The following SEL1L3 variants were observed in gnomAD, a reference collection of about 807,000 sequenced individuals.
SEL1L3 encodes the protein SEL1L family member 3, also known as protein sel-1 homolog 3.
In SEL1L3, 76 loss-of-function variants were observed where a neutral mutation model predicts 142.8. The observed-to-expected ratio is 0.53, with a 90% CI of 0.44 to 0.64. The LOEUF (loss-of-function observed/expected upper bound fraction) is 0.64, where lower values mean the gene tolerates loss of function less well. Ranked by LOEUF, SEL1L3 falls within the 30% of genes least tolerant of loss-of-function variation. The pLI, the probability that SEL1L3 is intolerant of heterozygous loss-of-function variation, is 0.00. For missense variants in SEL1L3, 1,262 were observed against 1,381.7 expected (o/e 0.91, Z 1.37); for synonymous variants, 504 against 519.6 (o/e 0.97, Z 0.41).
At chr4:25,792,917 T>C (rs769616604) in intron 11 of SEL1L3, among the ~76,000 whole-genome samples, 57 of 152,240 alleles carry the variant, frequency 3.7e-4, no homozygotes, top group Non-Finnish European at 1.9e-4. Context: ...AATAAAGACA[T>C]AACTCATGAA....
At chr4:25,783,700 G>A (rs939795638) in intron 14 of SEL1L3, among the ~76,000 whole-genome samples, 1 of 152,218 alleles carries the variant, frequency 6.6e-6, no homozygotes, top group Admixed American at 6.5e-5. Context: ...CTGTAGAGCT[G>A]TATAGGAACT....
At chr4:25,752,687 C>A (rs1416405778) in intron 23 of SEL1L3, among the ~76,000 whole-genome samples, 2 of 152,196 alleles carry the variant, frequency 1.3e-5, no homozygotes, top group African/African-American at 4.8e-5. Flanking sequence ...ATGGAGCAAT[C>A]TGGGCTCTCT....
At chr4:25,778,445 A>T (rs1393600947) in intron 16 of SEL1L3, among the ~76,000 whole-genome samples, 1 of 152,236 alleles carries the variant, frequency 6.6e-6, no homozygotes, top group Non-Finnish European at 1.5e-5. Flanking sequence ...TTAGCAAATA[A>T]ACAATAAAAA....
At chr4:25,772,810 T>G (rs568405059) in intron 17 of SEL1L3, among the ~76,000 whole-genome samples, 1 of 152,262 alleles carries the variant, frequency 6.6e-6, no homozygotes, top group African/African-American at 2.4e-5. Context: ...TTTATTTATT[T>G]TTTTTGAAAG....
intron 11 of SEL1L3, among the ~76,000 whole-genome samples, chr4:25,798,791 G>A (rs752019892): frequency 6.6e-6 from 1 of 152,094 alleles, no homozygotes; most frequent in Non-Finnish European, 1.5e-5. Context: ...TCGTGCCACT[G>A]CACTCCAGCC....
Position 25,776,539 on chromosome 4 carries a change from T to C in SEL1L3, c.2586-179A>G, listed in dbSNP as rs1183024522. 4 of 566,188 alleles carry C rather than the reference T, an allele frequency of 7.1e-6. No individual in the cohort carries two copies. The East Asian group carries it at 1.2e-4, about 17-fold the overall frequency. 35.1% of individuals were successfully genotyped at this position (566,188 alleles called of 1,614,324 possible). A position where few individuals can be genotyped will look rare whatever the true frequency, so the allele number is the denominator to read the frequency against. On this transcript the variant is annotated intron_variant, in intron 16 of 23. Transcript: ENST00000399878. ...AAAATGCATTCTGAGAGCTTTTCAT[T>C]TAGTGCCCTTTCTTATGAATGATTA...
chr4:25,784,139 A>G (rs1220215335), intron 14 of SEL1L3, 89 bp downstream of exon 14: 20 of 1,112,760 alleles, frequency 1.8e-5, no homozygotes, highest in Non-Finnish European at 2.7e-5. Context: ...CTTTGTAGGA[A>G]GAGGCTGGCC....
At chr4:25,826,278 T>C (rs1475075212) in intron 6 of SEL1L3, among the ~76,000 whole-genome samples, 1 of 152,236 alleles carries the variant, frequency 6.6e-6, no homozygotes, top group Non-Finnish European at 1.5e-5. Context: ...ATTGACAGCC[T>C]TTCATTTATG....
At chr4:25,766,157 G>A (rs889366939) in intron 19 of SEL1L3, among the ~76,000 whole-genome samples, 6 of 151,924 alleles carry the variant, frequency 3.9e-5, no homozygotes, top group African/African-American at 7.3e-5. Flanking sequence ...TATATGTATC[G>A]GCTGAGTGCC....
intron 12 of SEL1L3, 150 bp downstream of exon 12, chr4:25,790,305 C>T (rs937311721): frequency 2.8e-5 from 21 of 747,358 alleles, no homozygotes; most frequent in Non-Finnish European, 4.1e-5. Flanking sequence ...CTATGGCCTG[C>T]CCCTGACAAC....
intron 17 of SEL1L3, among the ~76,000 whole-genome samples, chr4:25,774,770 G>A (rs1315887486): frequency 2.6e-5 from 4 of 152,176 alleles, no homozygotes; most frequent in African/African-American, 4.8e-5. Context: ...GCTTGAACCC[G>A]GCAGGCGGAG....
intron 9 of SEL1L3, among the ~76,000 whole-genome samples, chr4:25,815,512 T>C (rs1714335709): frequency 6.6e-6 from 1 of 152,186 alleles, no homozygotes; most frequent in South Asian, 2.1e-4. Context: ...TCATAGACAG[T>C]ATTTACTTAA....
At chr4:25,830,265 GA>G in intron 5 of SEL1L3, 109 bp from the exon 6 acceptor site, 1 of 632,198 alleles carries the variant, frequency 1.6e-6, no homozygotes, top group Non-Finnish European at 2.8e-6. Flanking sequence ...TCTTTTACCT[GA>G]TCAGTTTCTG....
intron 23 of SEL1L3, 64 bp from the exon 24 acceptor site, chr4:25,748,628 A>G (rs1717397029): frequency 6.5e-7 from 1 of 1,526,754 alleles, no homozygotes; most frequent in Non-Finnish European, 8.9e-7. Flanking sequence ...ATGTACAACC[A>G]CACCTAGAGA....
chr4:25,731,599 C>A, the SEL1L3 span, among the ~76,000 whole-genome samples: 1 of 152,200 alleles, frequency 6.6e-6, no homozygotes, highest in Admixed American at 6.5e-5. Flanking sequence ...GATAGGTACT[C>A]TTCTTGGTCT....
At chr4:25,737,022 T>TC in the SEL1L3 span, among the ~76,000 whole-genome samples, 1 of 150,942 alleles carries the variant, frequency 6.6e-6, no homozygotes, top group East Asian at 2.0e-4. Context: ...AGTCTCACTG[T>TC]CACCCAGGCT....
intron 10 of SEL1L3, among the ~76,000 whole-genome samples, chr4:25,803,256 C>A (rs751221536): frequency 3.3e-5 from 5 of 152,258 alleles, no homozygotes; most frequent in Non-Finnish European, 7.3e-5. Context: ...CCAGCCACTT[C>A]GTGGCAGAGA....
At chr4:25,814,839 T>A (rs187530504) in intron 9 of SEL1L3, among the ~76,000 whole-genome samples, 2 of 151,780 alleles carry the variant, frequency 1.3e-5, no homozygotes, top group Admixed American at 1.3e-4. Flanking sequence ...GGGTGCAACA[T>A]AAGACACCAG....
At chr4:25,850,498 C>T (rs1170497440) in intron 1 of SEL1L3, among the ~76,000 whole-genome samples, 1 of 152,130 alleles carries the variant, frequency 6.6e-6, no homozygotes, top group Non-Finnish European at 1.5e-5. Context: ...TGGCAGTAAT[C>T]TCTAATCTTT....
Sources: allele counts gnomAD v4.1 joint callset (sites outside exome capture counted in the v4.1 genomes callset), GRCh38; gene constraint gnomAD v4.1.1; transcripts MANE v1.5; gene names NCBI Gene and HGNC (gene_info 2026-07-23, HGNC 2026-07-21).